ADAM7: variants seen among roughly 807,000 people sequenced by gnomAD.
The protein encoded by ADAM7 is disintegrin and metalloproteinase domain-containing protein 7.
ADAM7 carries 97 observed loss-of-function variants against 102.9 expected under a neutral mutation model. The ratio of observed to expected loss-of-function variants is 0.94; its 90% CI spans 0.80 to 1.12. The LOEUF is 1.12. Among genes scored for constraint, ADAM7 ranks in the 50% most tolerant of loss-of-function variants. The probability of loss-of-function intolerance (pLI) is 0.00; values close to 1 mark genes in which losing one functional copy is unlikely to be tolerated. For synonymous variants in ADAM7, 334 were observed against 304.4 expected (o/e 1.10, Z -1.01); for missense variants, 991 against 908.7 (o/e 1.09, Z -1.16).
At chr8:24,491,146 C>A (rs1430421079) in intron 13 of ADAM7, among the ~76,000 whole-genome samples, 1 of 152,130 alleles carries the variant, frequency 6.6e-6, no homozygotes, top group Non-Finnish European at 1.5e-5. Flanking sequence ...ATTCTTGCTC[C>A]TTTGTAAATA....
In ADAM7 at chr8:24,467,490, C is replaced by G. The variant is rs373789770; in HGVS notation, c.579+502C>G. The stretch of plus-strand genomic sequence containing the variant: ...TTTCTATACAACTAATCCATATCCC[C>G]TTAAATTCCCAGTGGATGTTAGTCT... On this transcript the variant is annotated intron_variant, in intron 6 of 21. Transcript: ENST00000175238. 8.3e-4 allele frequency: 130 copies of G among 157,064 alleles called. 1 individual carries two copies. The highest frequency in any genetic ancestry group is 3.2e-3 in the Middle Eastern group (1 of 310). 9.7% of individuals were successfully genotyped at this position (157,064 alleles called of 1,614,324 possible).
intron 2 of ADAM7, among the ~76,000 whole-genome samples, chr8:24,446,745 T>G (rs1025736175): frequency 6.6e-6 from 1 of 151,706 alleles, no homozygotes; most frequent in African/African-American, 2.4e-5. Context: ...TGTATAGAGC[T>G]GCTACATGGA....
chr8:24,491,411 A>C (rs1367686270), intron 13 of ADAM7, among the ~76,000 whole-genome samples: 1 of 152,194 alleles, frequency 6.6e-6, no homozygotes, highest in Non-Finnish European at 1.5e-5. Context: ...AACCCAGCGT[A>C]ATTAAATTCT....
intron 5 of ADAM7, 74 bp from the exon 6 acceptor site, chr8:24,466,725 A>G: frequency 1.4e-6 from 2 of 1,424,850 alleles, no homozygotes; most frequent in Non-Finnish European, 1.9e-6. Context: ...CTCTTTCTTG[A>G]AAAGGCAAAG....
chr8:24,452,291 C>T (rs1041559086), intron 3 of ADAM7, among the ~76,000 whole-genome samples: 1 of 150,006 alleles, frequency 6.7e-6, no homozygotes, highest in Non-Finnish European at 1.5e-5. Flanking sequence ...GTCTAAGTCT[C>T]TTTGCAGGTC....
In ADAM7 at chr8:24,500,874, T is replaced by C. The variant is rs1321794078; in HGVS notation, c.2087T>C (p.Ile696Thr). ...LILLVRYRKCIKLKQVQSPPT... is the reference protein window; with the variant it reads ...LILLVRYRKCTKLKQVQSPPT... ...CTATTAGTTCGTTACCGAAAATGTA[T>C]CAAGTTGAAGCAAGTTCAGAGGTAC... Residue 696 changes from isoleucine (I) to threonine (T), a missense_variant, in exon 19 of 22, where the codon ATC becomes ACC. Ile to Thr is a moderately conservative substitution (Grantham distance 89). Transcript: ENST00000175238. 1 of 1,612,918 alleles carries C rather than the reference T, an allele frequency of 6.2e-7. No homozygotes were observed. Among genetic ancestry groups the C allele is most frequent in the East Asian group, 2.2e-5 (1 of 44,812 alleles).
chr8:24,441,035 G>C lies in ADAM7; in HGVS notation c.-74G>C, dbSNP rs1818356986. 1 of 1,402,138 alleles carries C rather than the reference G, an allele frequency of 7.1e-7. No individual in the cohort carries two copies. The highest frequency in any genetic ancestry group is 1.7e-5 in the Admixed American group (1 of 59,570). The allele number at this position is 1,402,138 out of a possible 1,614,324, so 86.9% of individuals were successfully genotyped here. ...ATCTGTGAGGTGCTTCATCCCTGCA[G>C]TGGAAGTGAGGAGGAAGAAAGGTGA... On this transcript the variant is annotated 5_prime_UTR_variant, in exon 1 of 22. Transcript: ENST00000175238.
intron 7 of ADAM7, chr8:24,475,837 A>G (rs1214085614): frequency 6.9e-6 from 3 of 431,864 alleles, no homozygotes; most frequent in East Asian, 1.4e-4. Context: ...AGATCCCGAT[A>G]GTACAAAAAG....
At chr8:24,473,935 T>C (rs1217963729) in intron 7 of ADAM7, among the ~76,000 whole-genome samples, 1 of 152,050 alleles carries the variant, frequency 6.6e-6, no homozygotes, top group African/African-American at 2.4e-5. Flanking sequence ...TCAACACTCA[T>C]TCATAATAAA....
intron 9 of ADAM7, among the ~76,000 whole-genome samples, chr8:24,484,113 C>G (rs935002015): frequency 6.6e-6 from 1 of 152,098 alleles, no homozygotes; most frequent in South Asian, 2.1e-4. Flanking sequence ...CTTGTCCTGG[C>G]GCTTCCCCTC....
chr8:24,447,759 A>ATTGTTG (rs1818617056), intron 3 of ADAM7, among the ~76,000 whole-genome samples: 1 of 152,112 alleles, frequency 6.6e-6, no homozygotes, highest in Non-Finnish European at 1.5e-5. Flanking sequence ...AAGAATGTCT[A>ATTGTTG]TTGTTGCCGC....
At chr8:24,453,964 G>A (rs532308346) in intron 3 of ADAM7, among the ~76,000 whole-genome samples, 36 of 152,290 alleles carry the variant, frequency 2.4e-4, no homozygotes, top group African/African-American at 3.1e-4. Flanking sequence ...GCAGAACAGC[G>A]GACTTTTGTG....
At chr8:24,505,433 G>A (rs1041664226) in intron 20 of ADAM7, among the ~76,000 whole-genome samples, 4 of 152,126 alleles carry the variant, frequency 2.6e-5, no homozygotes, top group Non-Finnish European at 5.9e-5. Flanking sequence ...TATTAACAGA[G>A]ATAGGAGAGT....
intron 9 of ADAM7, among the ~76,000 whole-genome samples, chr8:24,484,166 C>A (rs1369496929): frequency 2.0e-5 from 3 of 152,080 alleles, no homozygotes; most frequent in Non-Finnish European, 4.4e-5. Context: ...TTAAAAAGAC[C>A]AGAATTCTGT....
chr8:24,448,136 A>G (rs1818636280), intron 3 of ADAM7, among the ~76,000 whole-genome samples: 1 of 152,182 alleles, frequency 6.6e-6, no homozygotes. Flanking sequence ...AGAGATTTCT[A>G]TCTCTGTTAC....
At chr8:24,505,469 G>T (rs1187042234) in intron 20 of ADAM7, among the ~76,000 whole-genome samples, 3 of 152,044 alleles carry the variant, frequency 2.0e-5, no homozygotes, top group African/African-American at 7.2e-5. Context: ...CACATTTAGG[G>T]TTTTTGTATT....
Position 24,489,341 on chromosome 8 carries a change from C to T in ADAM7, c.1266+8C>T. 1 of 1,597,288 alleles carries T rather than the reference C, an allele frequency of 6.3e-7. No individual in the cohort carries two copies. The highest frequency in any genetic ancestry group is 8.5e-7 in the Non-Finnish European group (1 of 1,172,422). ...GACTGTGGCCCTGCTCAGGTATTTGCAAATGAAGCTATCTTTAAATTGCAA... is the reference window on the plus strand; with the variant it reads ...GACTGTGGCCCTGCTCAGGTATTTGTAAATGAAGCTATCTTTAAATTGCAA... On this transcript the variant is annotated splice_region_variant and intron_variant, in intron 12 of 21. Transcript: ENST00000175238.
chr8:24,500,313 T>C (rs754314239), intron 18 of ADAM7, 57 bp downstream of exon 18: 90 of 1,484,348 alleles, frequency 6.1e-5, no homozygotes, highest in Non-Finnish European at 8.3e-5. Flanking sequence ...GCGAAAAAAG[T>C]TTTTCTTATT....
chr8:24,480,202 C>A (rs1167313971), intron 8 of ADAM7, among the ~76,000 whole-genome samples: 1 of 152,192 alleles, frequency 6.6e-6, no homozygotes, highest in Admixed American at 6.5e-5. Flanking sequence ...CTTGGTTTCT[C>A]ATCTTCAAGT....
Sources: allele counts gnomAD v4.1 joint callset (sites outside exome capture counted in the v4.1 genomes callset), GRCh38; gene constraint gnomAD v4.1.1; transcripts MANE v1.5; gene names NCBI Gene and HGNC (gene_info 2026-07-23, HGNC 2026-07-21).